The following ATN1 variants were observed in gnomAD, a reference collection of about 807,000 sequenced individuals.
ATN1 encodes atrophin 1.
A neutral mutation model predicts 85.8 loss-of-function variants in ATN1; 19 were observed. The observed-to-expected ratio is 0.22, with a 90% CI of 0.15 to 0.32. ATN1 has a LOEUF of 0.32. Ranked by LOEUF, ATN1 falls within the 10% of genes least tolerant of loss-of-function variation. The pLI is 1.00. For synonymous variants in ATN1, 674 were observed against 657.0 expected, an observed-to-expected ratio of 1.03 and a Z score of -0.39; for missense variants, 1,453 against 1,564.5, an observed-to-expected ratio of 0.93 and a Z score of 1.20.
chr12:6,936,153 C>A lies in ATN1; in HGVS notation c.886C>A (p.His296Asn). ...TGCTCCACCACCAGCCAACTTCCCC[C>A]ATGTGACACCGAACCTGCCTCCCCC... ...PSAPPPANFP[H>N]VTPNLPPPPA... The change falls in exon 5 of 10, where the codon CAT (histidine) becomes AAT (asparagine). Residue 296 changes from histidine (H) to asparagine (N), a missense_variant. Around this residue, in one of 6 missense-constraint regions of ATN1, gnomAD observed 990 missense variants for 914.8 expected, o/e 1.08. Transcript: ENST00000396684. The A allele has an allele frequency of 6.5e-7, 1 of 1,537,422 alleles. No individual in the cohort carries two copies.
rs782243857 is a variant in ATN1 at position 6,936,998 on chromosome 12, C to T, written c.1731C>T (p.Ser577=). Reference sequence around the variant, plus strand: ...CTTCCTCTTCCAACTCTTCCTCTTCCACTTCTCAAGGGTCCTACCCATGTT... The same window carrying T: ...CTTCCTCTTCCAACTCTTCCTCTTCTACTTCTCAAGGGTCCTACCCATGTT... ...PVSSSSNSSS[S]TSQGSYPCSH... The change falls in exon 5 of 10, where the codon TCC becomes TCT. Residue 577 remains serine (S), a synonymous_variant. Transcript: ENST00000396684. 4 of 1,613,644 alleles carry T rather than the reference C, an allele frequency of 2.5e-6. No homozygotes were observed. The highest frequency in any genetic ancestry group is 1.1e-5 in the South Asian group (1 of 91,050).
upstream of ATN1, among the ~76,000 whole-genome samples, chr12:6,927,127 T>TC (rs1381016198): frequency 4.7e-5 from 7 of 148,698 alleles, 1 homozygote; most frequent in African/African-American, 1.7e-4. Flanking sequence ...CATTCCTTCA[T>TC]CCCCCCACCC....
At position 6,937,208 on chromosome 12, in the gene ATN1, G is replaced by A. The variant is rs1565567368; in HGVS notation, c.1941G>A (p.Gly647=). The A allele has an allele frequency of 2.5e-6, 4 of 1,611,326 alleles. No individual in the cohort carries two copies. The African/African-American group carries it at 5.3e-5, about 22-fold the overall frequency. The change falls in exon 5 of 10, where the codon GGG becomes GGA. Residue 647 remains glycine (G), a synonymous_variant. Coordinates refer to ENST00000396684, the MANE Select transcript of ATN1 (RefSeq NM_001940.4). The surrounding 1 kb of genome is among the most constrained non-coding windows in gnomAD (Gnocchi z 6.0). ...ACGGAAAGAGAGCCCCGTCCCCGGGGGCCTACAAGACAGCCACCCCACCCG... is the reference window on the plus strand; with the variant it reads ...ACGGAAAGAGAGCCCCGTCCCCGGGAGCCTACAAGACAGCCACCCCACCCG... ...PPYGKRAPSP[G]AYKTATPPGY...
Position 6,937,564 on chromosome 12 carries a change from G to A in ATN1, c.2294+3G>A. 1 of 1,492,606 alleles carries A rather than the reference G, an allele frequency of 6.7e-7. No individual in the cohort carries two copies. Among genetic ancestry groups the A allele is most frequent in the Non-Finnish European group, 8.9e-7 (1 of 1,121,638 alleles). The allele number at this position is 1,492,606 out of a possible 1,614,324, so 92.5% of individuals were successfully genotyped here. On this transcript the variant is annotated splice_donor_region_variant and intron_variant, in intron 5 of 9. Coordinates refer to ENST00000396684, the MANE Select transcript of ATN1 (RefSeq NM_001940.4). This position sits in a 1 kb window ranked among gnomAD's most constrained non-coding sequence, Gnocchi z 6.0. ...AGCCATGCCAGTCAGTCTGCCAGGTGAGCGGCCAGGTGGGGCGGAGGTGGG... is the reference window on the plus strand; with the variant it reads ...AGCCATGCCAGTCAGTCTGCCAGGTAAGCGGCCAGGTGGGGCGGAGGTGGG...
Position 6,936,493 on chromosome 12 carries a change from C to G in ATN1, c.1226C>G (p.Pro409Arg), listed in dbSNP as rs1555143693. Residue 409 changes from proline (P) to arginine (R), a missense_variant, in exon 5 of 10, where the codon CCC becomes CGC. By Grantham distance (103) the Pro-to-Arg change is moderately radical (BLOSUM62 -2). Coordinates refer to ENST00000396684, the MANE Select transcript of ATN1 (RefSeq NM_001940.4). ...FPASQALPSY[P>R]HSFPPPTSLS... The stretch of plus-strand genomic sequence containing the variant: ...GCTTCCCAGGCATTGCCCAGCTACC[C>G]CCACTCTTTCCCTCCCCCAACAAGC... 6.3e-7 allele frequency: 1 copy of G among 1,596,718 alleles called. No individual in the cohort carries two copies. The highest frequency in any genetic ancestry group is 8.5e-7 in the Non-Finnish European group (1 of 1,173,984).
rs1314963419 is a variant in ATN1, at chr12:6,937,716, C to T, written c.2295-129C>T. The T allele has an allele frequency of 9.0e-6, 13 of 1,444,402 alleles. No homozygotes were observed. Among genetic ancestry groups the T allele is most frequent in the African/African-American group, 7.2e-5 (5 of 69,538 alleles). The allele number at this position is 1,444,402 out of a possible 1,614,324, so 89.5% of individuals were successfully genotyped here. Reference sequence around the variant, plus strand: ...TCCAGGCCTAGTGGCCAGTGAGGCCCGCAGCAGCTCACAGCCTGCAGGGGT... The same window carrying T: ...TCCAGGCCTAGTGGCCAGTGAGGCCTGCAGCAGCTCACAGCCTGCAGGGGT... On this transcript the variant is annotated intron_variant, in intron 5 of 9. Coordinates refer to ENST00000396684, the MANE Select transcript of ATN1 (RefSeq NM_001940.4). This position sits in a 1 kb window ranked among gnomAD's most constrained non-coding sequence, Gnocchi z 6.0.
In ATN1 at chr12:6,938,558, G is replaced by A. The variant is rs781873711; in HGVS notation, c.2595G>A (p.Pro865=). The part of the protein sequence containing the change: ...GPVPHRPPFE[P]GSAVATVPPY... The stretch of plus-strand genomic sequence containing the variant: ...TGCCCCATCGCCCTCCATTTGAACC[G>A]GGCAGTGCGGTGGCTACAGTGCCCC... Residue 865 remains proline (P), a synonymous_variant, in exon 7 of 10, where the codon CCG becomes CCA. Transcript: ENST00000396684. The A allele has an allele frequency of 7.4e-6, 12 of 1,614,070 alleles. No individual in the cohort carries two copies. The highest frequency in any genetic ancestry group is 4.4e-5 in the South Asian group (4 of 91,092).
Position 6,940,832 on chromosome 12 carries a change from G to C in ATN1, c.3215-48G>C. 4 of 1,612,722 alleles carry C rather than the reference G, an allele frequency of 2.5e-6. No individual in the cohort carries two copies. In the South Asian group the frequency reaches 4.4e-5, roughly 18 times the overall value. On this transcript the variant is annotated intron_variant, in intron 7 of 9. Coordinates refer to ENST00000396684, the MANE Select transcript of ATN1 (RefSeq NM_001940.4). Reference sequence around the variant, plus strand: ...ATCCCTTCACCCAAATGCATGGTTTGCCCCAAACCTGCCTTCTGGTGACAC... The same window carrying C: ...ATCCCTTCACCCAAATGCATGGTTTCCCCCAAACCTGCCTTCTGGTGACAC...
At position 6,933,990 on chromosome 12, in the gene ATN1, A is replaced by C; in HGVS notation, c.-12A>C. On this transcript the variant is annotated 5_prime_UTR_variant, in exon 2 of 10. Transcript: ENST00000396684. ...CCAGGCAGAGGAGAATGGGGTCTCC[A>C]CAGCCTGAAGAATGAAGACACGACA... 1 of 1,602,274 alleles carries C rather than the reference A, an allele frequency of 6.2e-7. No individual in the cohort carries two copies. Among genetic ancestry groups the C allele is most frequent in the Non-Finnish European group, 8.5e-7 (1 of 1,174,390 alleles).
chr12:6,931,387 A>G (rs1330821610), intron 1 of ATN1, among the ~76,000 whole-genome samples: 1 of 144,092 alleles, frequency 6.9e-6, no homozygotes, highest in African/African-American at 2.6e-5. Context: ...CAACTAAAAA[A>G]TGTGGGAAAA....
intron 1 of ATN1, among the ~76,000 whole-genome samples, chr12:6,930,770 C>T (rs1945452262): frequency 6.6e-6 from 1 of 151,864 alleles, no homozygotes; most frequent in South Asian, 2.1e-4. Flanking sequence ...CACGGCACTC[C>T]AGCCTGGGTG....
intron 1 of ATN1, among the ~76,000 whole-genome samples, chr12:6,931,877 T>C (rs1555143108): frequency 6.9e-6 from 1 of 145,596 alleles, no homozygotes; most frequent in Non-Finnish European, 1.5e-5. Flanking sequence ...CTACTAAAAA[T>C]ACAAAAAATT....
At chr12:6,938,172 G>A in intron 6 of ATN1, 105 bp downstream of exon 6, 2 of 1,440,996 alleles carry the variant, frequency 1.4e-6, no homozygotes, top group South Asian at 2.9e-5. Context: ...CTGGGTGGGC[G>A]GGCGAGTCAC....
At position 6,935,999 on chromosome 12, in the gene ATN1, G is replaced by C; in HGVS notation, c.732G>C (p.Val244=). The C allele has an allele frequency of 2.5e-6, 4 of 1,588,790 alleles. No individual in the cohort carries two copies. The highest frequency in any genetic ancestry group is 1.1e-5 in the South Asian group (1 of 87,290). The part of the protein sequence containing the change: ...GPKGGGAASS[V]GGPNGGKQHP... ...AGGGGGGAGGGGCTGCCTCATCAGT[G>C]GGGGGCCCTAATGGGGGTAAGCAGC... Residue 244 remains valine (V), a synonymous_variant, in exon 5 of 10, where the codon GTG becomes GTC. Coordinates refer to ENST00000396684, the MANE Select transcript of ATN1 (RefSeq NM_001940.4). This position sits in a 1 kb window ranked among gnomAD's most constrained non-coding sequence, Gnocchi z 5.3.
rs1945635523 is a variant in ATN1 at position 6,941,575 on chromosome 12, CCAGGGGACATGGGCT to C, written c.3539+25_3539+39del. 5.0e-6 allele frequency: 8 copies of C among 1,612,344 alleles called. No individual in the cohort carries two copies. Among genetic ancestry groups the C allele is most frequent in the Non-Finnish European group, 6.8e-6 (8 of 1,179,426 alleles). On this transcript the variant is annotated intron_variant, in intron 9 of 9. Transcript: ENST00000396684. This position sits in a 1 kb window ranked among gnomAD's most constrained non-coding sequence, Gnocchi z 5.9. ...TACAGGTACCCTAGGGTGCCCCAGC[CCAGGGGACATGGGCT>C]CAGCGAGCCTGGGAGGAGCTGTGGG...
Position 6,942,092 on chromosome 12 carries a change from C to T in ATN1, c.*312C>T. ...AACCCCTGTGGCCGCCGCCCCTCCCCTGCCCCGTTGGTGTGATTATTTCAT... is the reference window on the plus strand; with the variant it reads ...AACCCCTGTGGCCGCCGCCCCTCCCTTGCCCCGTTGGTGTGATTATTTCAT... On this transcript the variant is annotated 3_prime_UTR_variant, in exon 10 of 10. Coordinates refer to ENST00000396684, the MANE Select transcript of ATN1 (RefSeq NM_001940.4). 1 of 480,986 alleles carries T rather than the reference C, an allele frequency of 2.1e-6. No individual in the cohort carries two copies. Among genetic ancestry groups the T allele is most frequent in the Non-Finnish European group, 3.8e-6 (1 of 262,922 alleles). The allele number at this position is 480,986 out of a possible 1,614,324, so 29.8% of individuals were successfully genotyped here.
Position 6,937,448 on chromosome 12 carries a change from A to G in ATN1, c.2181A>G (p.Lys727=), listed in dbSNP as rs1945564018. 6.5e-7 allele frequency: 1 copy of G among 1,545,756 alleles called. No homozygotes were observed. Among genetic ancestry groups the G allele is most frequent in the Non-Finnish European group, 8.7e-7 (1 of 1,146,776 alleles). The change falls in exon 5 of 10, where the codon AAA becomes AAG. Residue 727 remains lysine (K), a synonymous_variant. Coordinates refer to ENST00000396684, the MANE Select transcript of ATN1 (RefSeq NM_001940.4). The surrounding 1 kb of genome is among the most constrained non-coding windows in gnomAD (Gnocchi z 6.0). The part of the protein sequence containing the change: ...SGPPLSATQI[K]QEPAEEYETP... ...CGCCCCTGAGCGCCACGCAGATCAAACAGGAGCCGGCTGAGGAGTATGAGA... is the reference window on the plus strand; with the variant it reads ...CGCCCCTGAGCGCCACGCAGATCAAGCAGGAGCCGGCTGAGGAGTATGAGA...
At position 6,936,595 on chromosome 12, in the gene ATN1, C is replaced by A; in HGVS notation, c.1328C>A (p.Pro443Gln). The A allele has an allele frequency of 6.2e-7, 1 of 1,611,476 alleles. No individual in the cohort carries two copies. The highest frequency in any genetic ancestry group is 8.5e-7 in the Non-Finnish European group (1 of 1,178,610). ...CAGGCTGTGTGGAGCCAGGGTCCCC[C>A]ACCACCTCCTCCCTATGGCCGCCTC... ...PSQAVWSQGP[P>Q]PPPPYGRLLA... The change falls in exon 5 of 10, where the codon CCA becomes CAA. Residue 443 changes from proline to glutamine, a missense_variant. Coordinates refer to ENST00000396684, the MANE Select transcript of ATN1 (RefSeq NM_001940.4).
At chr12:6,939,203 G>A in intron 7 of ATN1, 26 bp downstream of exon 7, 1 of 1,564,038 alleles carries the variant, frequency 6.4e-7, no homozygotes, top group Non-Finnish European at 8.6e-7. Context: ...CCTTGCCCTG[G>A]CCCTTTGGGG....
Sources: allele counts gnomAD v4.1 joint callset (sites outside exome capture counted in the v4.1 genomes callset), GRCh38; gene constraint gnomAD v4.1.1; regional missense constraint gnomAD v4.1.1; non-coding constraint Gnocchi (gnomAD v3.1); transcripts MANE v1.5; gene names NCBI Gene and HGNC (gene_info 2026-07-23, HGNC 2026-07-21).